The following MARK3 variants were observed in gnomAD, a reference collection of about 807,000 sequenced individuals.
MARK3 encodes the protein MAP/microtubule affinity-regulating kinase 3.
Under a neutral mutation model 90.1 loss-of-function variants are expected in MARK3, and 46 were observed. The ratio of observed to expected loss-of-function variants is 0.51; its 90% CI spans 0.40 to 0.65. The LOEUF (loss-of-function observed/expected upper bound fraction) is 0.65. Among genes scored for constraint, MARK3 ranks in the 30% least tolerant of loss-of-function variants. The pLI, the probability that MARK3 is intolerant of heterozygous loss-of-function variation, is 0.00. For synonymous variants in MARK3, 321 were observed against 332.6 expected (o/e 0.97, Z 0.38); for missense variants, 818 against 947.2 (o/e 0.86, Z 1.79).
intron 15 of MARK3, 32 bp from the exon 16 acceptor site, chr14:103,498,470 A>AT (rs202211193): frequency 0.31 from 324,723 of 1,032,206 alleles, 10,881 homozygotes; most frequent in Middle Eastern, 0.34. Flanking sequence ...ATTTTTGTTA[A>AT]TTTTTTTTTT....
rs181494372 is a variant in MARK3 at position 103,399,169 on chromosome 14, T to A, written c.52-5907T>A. ...GACTTCCTGCCGGCAAGGATTTTTT[T>A]AAAAGATTTTTTAAATGTGTCTAAG... On this transcript the variant is annotated intron_variant, in intron 1 of 17. Coordinates refer to ENST00000429436, the MANE Select transcript of MARK3 (RefSeq NM_001128918.3). Among the ~76,000 whole-genome samples the A allele has an allele frequency of 2.0e-3, 308 of 152,352 alleles. 5 individuals carry two copies. The highest frequency in any genetic ancestry group is 3.6e-3 in the African/African-American group (151 of 41,588).
chr14:103,446,313 G>A (rs2092993153), intron 3 of MARK3, among the ~76,000 whole-genome samples: 1 of 152,166 alleles, frequency 6.6e-6, no homozygotes, highest in Admixed American at 6.5e-5. Flanking sequence ...ATCACCTGAG[G>A]TCAGGTGTTC....
chr14:103,400,982 T>TGTATGC (rs2090929008), intron 1 of MARK3, among the ~76,000 whole-genome samples: 2 of 141,894 alleles, frequency 1.4e-5, no homozygotes, highest in African/African-American at 5.9e-5. Flanking sequence ...TGTGTGTGTG[T>TGTATGC]ATGCAGGTTG....
intron 1 of MARK3, among the ~76,000 whole-genome samples, chr14:103,388,411 C>G (rs2089976450): frequency 1.3e-5 from 2 of 152,164 alleles, no homozygotes; most frequent in Admixed American, 6.5e-5. Flanking sequence ...AGGTATAGTC[C>G]ATATTAATTA....
intron 2 of MARK3, among the ~76,000 whole-genome samples, chr14:103,419,682 T>C (rs1056386690): frequency 6.6e-6 from 1 of 152,176 alleles, no homozygotes; most frequent in South Asian, 2.1e-4. Context: ...ATTGTGGATA[T>C]TGTTCTTTGA....
rs2093517066 is a variant in MARK3, at chr14:103,467,000, G to GTTTTTT, written c.998-78_998-77insTTTTTT. Reference sequence around the variant, plus strand: ...GCCTGGGCAACAAGAGTGAAACTCCGTCTCAAAAAAAAAAAAAAAAAAAAG... The same window carrying GTTTTTT: ...GCCTGGGCAACAAGAGTGAAACTCCGTTTTTTTCTCAAAAAAAAAAAAAAAAAAAAG... On this transcript the variant is annotated intron_variant, in intron 10 of 17. Coordinates refer to ENST00000429436, the MANE Select transcript of MARK3 (RefSeq NM_001128918.3). 9.2e-6 allele frequency: 5 copies of GTTTTTT among 541,308 alleles called. No homozygotes were observed. The Admixed American group carries it at 1.3e-4, about 14-fold the overall frequency. 33.5% of individuals were successfully genotyped at this position (541,308 alleles called of 1,614,324 possible).
chr14:103,465,801 A>G lies in MARK3; in HGVS notation c.777+8A>G. On this transcript the variant is annotated splice_region_variant and intron_variant, in intron 8 of 17. Coordinates refer to ENST00000429436, the MANE Select transcript of MARK3 (RefSeq NM_001128918.3). The stretch of plus-strand genomic sequence containing the variant: ...GATGGGCAAAACCTAAAGGTATAAG[A>G]AGCTGCACCCATGTACTTCACTAAA... 6.2e-7 allele frequency: 1 copy of G among 1,606,754 alleles called. No individual in the cohort carries two copies. Among genetic ancestry groups the G allele is most frequent in the South Asian group, 1.1e-5 (1 of 90,328 alleles).
At chr14:103,430,715 C>T (rs1468942279) in intron 3 of MARK3, among the ~76,000 whole-genome samples, 3 of 152,186 alleles carry the variant, frequency 2.0e-5, no homozygotes, top group African/African-American at 7.2e-5. Flanking sequence ...CATACTGGGT[C>T]ATGAACATTT....
At chr14:103,460,700 G>T (rs1379090822) in intron 6 of MARK3, among the ~76,000 whole-genome samples, 1 of 152,184 alleles carries the variant, frequency 6.6e-6, no homozygotes, top group Non-Finnish European at 1.5e-5. Context: ...AAAATAACCT[G>T]TAAGAGAAAT....
intron 12 of MARK3, among the ~76,000 whole-genome samples, chr14:103,474,413 C>T (rs747627016): frequency 9.2e-5 from 14 of 151,784 alleles, no homozygotes; most frequent in Non-Finnish European, 1.9e-4. Flanking sequence ...ACACACTCCT[C>T]CTGGAGTGGC....
chr14:103,435,984 G>A (rs1431607783), intron 3 of MARK3, among the ~76,000 whole-genome samples: 1 of 151,898 alleles, frequency 6.6e-6, no homozygotes. Context: ...CCTGCCTCCC[G>A]AGTTCAAGTG....
At position 103,503,280 on chromosome 14, in the gene MARK3, T is replaced by C. The variant is rs573411802; in HGVS notation, c.*53T>C. ...GCAATTAAAGTGTTTTCCTGAACAC[T>C]GATGGAAATGTATAGAATAATATTT... On this transcript the variant is annotated 3_prime_UTR_variant, in exon 18 of 18. Transcript: ENST00000429436. 326 of 1,369,876 alleles carry C rather than the reference T, an allele frequency of 2.4e-4. 1 individual carries two copies. The highest frequency in any genetic ancestry group is 3.2e-4 in the Non-Finnish European group (317 of 982,286). The allele number at this position is 1,369,876 out of a possible 1,614,324, so 84.9% of individuals were successfully genotyped here. A position where few individuals can be genotyped will look rare whatever the true frequency, so the allele number is the denominator to read the frequency against.
chr14:103,483,390 CTG>C (rs375659079), intron 14 of MARK3, among the ~76,000 whole-genome samples: 1 of 152,176 alleles, frequency 6.6e-6, no homozygotes, highest in Non-Finnish European at 1.5e-5. Flanking sequence ...TTTTTAAAAA[CTG>C]TGTGAAGGTT....
rs775410329 is a variant in MARK3 at position 103,462,369 on chromosome 14, A to G, written c.484-36A>G. 4 of 1,489,470 alleles carry G rather than the reference A, an allele frequency of 2.7e-6. No individual in the cohort carries two copies. The South Asian group carries it at 3.5e-5, about 13-fold the overall frequency. 92.3% of individuals were successfully genotyped at this position (1,489,470 alleles called of 1,614,324 possible). A position where few individuals can be genotyped will look rare whatever the true frequency, so the allele number is the denominator to read the frequency against. Reference sequence around the variant, plus strand: ...ATTTTCATCTTAATTACGAATCTGCACCAGTGATGACTGACTCTGCGTCTC... The same window carrying G: ...ATTTTCATCTTAATTACGAATCTGCGCCAGTGATGACTGACTCTGCGTCTC... On this transcript the variant is annotated intron_variant, in intron 6 of 17. Transcript: ENST00000429436.
In MARK3 at chr14:103,435,332, G is replaced by A. The variant is rs1337818054; in HGVS notation, c.297+6892G>A. Reference sequence around the variant, plus strand: ...GGTGATCTCAGTACACACCCCAGATGAGAATGGCTCCTAGTCTGTCTTCAC... The same window carrying A: ...GGTGATCTCAGTACACACCCCAGATAAGAATGGCTCCTAGTCTGTCTTCAC... On this transcript the variant is annotated intron_variant, in intron 3 of 17. Transcript: ENST00000429436. Among the ~76,000 whole-genome samples the A allele has an allele frequency of 2.6e-5, 4 of 151,100 alleles. No homozygotes were observed. The East Asian group carries it at 5.8e-4, about 22-fold the overall frequency.
chr14:103,479,936 A>G (rs1473102954), intron 13 of MARK3, among the ~76,000 whole-genome samples: 3 of 152,118 alleles, frequency 2.0e-5, no homozygotes, highest in African/African-American at 7.2e-5. Context: ...TACCGCGCCC[A>G]GCCGTTGTAT....
chr14:103,428,077 A>G (rs2092468120), intron 2 of MARK3, among the ~76,000 whole-genome samples: 1 of 152,174 alleles, frequency 6.6e-6, no homozygotes, highest in Non-Finnish European at 1.5e-5. Context: ...TTAATCCTTA[A>G]GAATTGTAGC....
At chr14:103,392,431 G>T (rs751603679) in intron 1 of MARK3, among the ~76,000 whole-genome samples, 1 of 152,212 alleles carries the variant, frequency 6.6e-6, no homozygotes, top group Middle Eastern at 3.4e-3. Flanking sequence ...GATTTTACCC[G>T]TAGAATTGGA....
intron 14 of MARK3, among the ~76,000 whole-genome samples, chr14:103,481,757 C>CTTTGTTTTTTTTTTTTTTTT (rs2093824021): frequency 2.0e-5 from 1 of 49,778 alleles, no homozygotes; most frequent in Non-Finnish European, 3.3e-5. Flanking sequence ...ATAGGTATTT[C>CTTTGTTTTTTTTTTTTTTTT]TTTTTTTTTT....
Sources: allele counts gnomAD v4.1 joint callset (sites outside exome capture counted in the v4.1 genomes callset), GRCh38; gene constraint gnomAD v4.1.1; transcripts MANE v1.5; gene names NCBI Gene and HGNC (gene_info 2026-07-23, HGNC 2026-07-21).